The following COL6A2 variants were observed in gnomAD, a reference collection of about 807,000 sequenced individuals.
The protein encoded by COL6A2 is collagen alpha-2(VI) chain.
A neutral mutation model predicts 124.9 loss-of-function variants in COL6A2; 90 were observed. The observed-to-expected ratio is 0.72, with a 90% CI of 0.61 to 0.86. The LOEUF (loss-of-function observed/expected upper bound fraction) is 0.86, where lower values mean the gene tolerates loss of function less well. COL6A2 is among the 40% of genes least tolerant of loss of function. The pLI is 0.00. For synonymous variants in COL6A2, 793 were observed against 618.2 expected (o/e 1.28, Z -4.19); for missense variants, 1,607 against 1,502.5 (o/e 1.07, Z -1.15).
At chr21:46,126,691 C>T (rs1489241024) in intron 27 of COL6A2, 150 bp downstream of exon 27, 7 of 941,506 alleles carry the variant, frequency 7.4e-6, no homozygotes, top group Admixed American at 2.0e-5. Context: ...GAGATGGCCC[C>T]AGGATGGCAG....
chr21:46,130,815 G>A (rs2078750727), intron 27 of COL6A2, among the ~76,000 whole-genome samples: 2 of 152,198 alleles, frequency 1.3e-5, no homozygotes, highest in South Asian at 2.1e-4. Flanking sequence ...CCTTAACAGG[G>A]AGGCTGCCCT....
intron 11 of COL6A2, 52 bp from the exon 12 acceptor site, chr21:46,117,822 G>A (rs1318481214): frequency 1.9e-6 from 3 of 1,569,246 alleles, no homozygotes; most frequent in Non-Finnish European, 2.6e-6. Flanking sequence ...CTGGCTCATG[G>A]GGAGAACCCC....
At position 46,125,876 on chromosome 21, in the gene COL6A2, C is replaced by T; in HGVS notation, c.2061C>T (p.Phe687=). Residue 687 remains phenylalanine (F), a synonymous_variant, in exon 26 of 28, where the codon TTC becomes TTT. Transcript: ENST00000300527. ...AACGTATCGACTCCCTGTCGAGCTT[C>T]AAGGAGGCTGTCAAGAACCTCGAGT... ...DDERIDSLSS[F]KEAVKNLEWI... is the part of the protein sequence containing the mutation. 6.2e-7 allele frequency: 1 copy of T among 1,613,118 alleles called. No individual in the cohort carries two copies. Among genetic ancestry groups the T allele is most frequent in the African/African-American group, 1.3e-5 (1 of 75,020 alleles).
chr21:46,110,201 C>T (rs755897564), intron 1 of COL6A2, among the ~76,000 whole-genome samples: 5 of 152,088 alleles, frequency 3.3e-5, no homozygotes, highest in Non-Finnish European at 5.9e-5. Context: ...AGGCAGTCTG[C>T]GGGGTTGGGG....
At chr21:46,118,997 T>C (rs776803637) in intron 13 of COL6A2, 33 bp from the exon 14 acceptor site, 108 of 1,525,274 alleles carry the variant, frequency 7.1e-5, no homozygotes, top group Non-Finnish European at 5.5e-6. Context: ...GGCCCCTGCC[T>C]CTGGGTGACT....
chr21:46,112,091 G>T lies in COL6A2; in HGVS notation c.228G>T (p.Gln76His), dbSNP rs1409328932. ...LLFHMKQFVP[Q>H]FISQLQNEFY... ...TCCACATGAAGCAGTTCGTGCCGCA[G>T]TTCATCAGCCAGCTGCAGAACGAGT... Residue 76 changes from glutamine (Q) to histidine (H), a missense_variant, in exon 3 of 28, where the codon CAG becomes CAT. Gln to His is a conservative substitution (Grantham distance 24). Transcript: ENST00000300527. 1.9e-6 allele frequency: 3 copies of T among 1,613,076 alleles called. No individual in the cohort carries two copies. Among genetic ancestry groups the T allele is most frequent in the African/African-American group, 2.7e-5 (2 of 74,920 alleles).
At chr21:46,115,063 G>A (rs751799869) in intron 5 of COL6A2, among the ~76,000 whole-genome samples, 1 of 152,258 alleles carries the variant, frequency 6.6e-6, no homozygotes, top group Non-Finnish European at 1.5e-5. Flanking sequence ...GGCTTCTCCA[G>A]TCCTGGTGGC....
At chr21:46,108,247 C>T (rs1161198914) in intron 1 of COL6A2, among the ~76,000 whole-genome samples, 2 of 152,106 alleles carry the variant, frequency 1.3e-5, no homozygotes, top group Non-Finnish European at 1.5e-5. Context: ...TGGCTTCCAA[C>T]ACAACACTGA....
Position 46,132,822 on chromosome 21 carries a change from CCT to C in COL6A2, c.*271_*272del. Reference sequence around the variant, plus strand: ...CTGGCCCCTGAGCTCTGGAGCAAGCCCTGACCCAATAAAGGCTTTGAACCCAT... The same window carrying C: ...CTGGCCCCTGAGCTCTGGAGCAAGCCGACCCAATAAAGGCTTTGAACCCAT... On this transcript the variant is annotated 3_prime_UTR_variant, in exon 28 of 28. Transcript: ENST00000300527. 1.8e-6 allele frequency: 1 copy of C among 560,642 alleles called. No individual in the cohort carries two copies. The highest frequency in any genetic ancestry group is 2.0e-5 in the South Asian group (1 of 49,136). The allele number at this position is 560,642 out of a possible 1,614,324, so 34.7% of individuals were successfully genotyped here.
rs1266614366 is a variant in COL6A2, at chr21:46,116,222, C to A, written c.901-155C>A. 6.6e-6 allele frequency among the ~76,000 whole-genome samples: 1 copy of A among 152,158 alleles called. No homozygotes were observed. Among genetic ancestry groups the A allele is most frequent in the Non-Finnish European group, 1.5e-5 (1 of 68,022 alleles). On this transcript the variant is annotated intron_variant, in intron 7 of 27. Coordinates refer to ENST00000300527, the MANE Select transcript of COL6A2 (RefSeq NM_001849.4). This position sits in a 1 kb window ranked among gnomAD's most constrained non-coding sequence, Gnocchi z 4.6. ...CCGTCCCAAAACCCAGCCTCCAGCC[C>A]GACCCAGGGCTCAGCCTCCTCCGCA...
chr21:46,130,345 C>G (rs558930780), intron 27 of COL6A2, among the ~76,000 whole-genome samples: 1 of 152,160 alleles, frequency 6.6e-6, no homozygotes, highest in African/African-American at 2.4e-5. Flanking sequence ...TGTTGGGGAG[C>G]GGCAGGGATC....
In COL6A2 at chr21:46,116,893, T is replaced by TG; in HGVS notation, c.999+80dup. On this transcript the variant is annotated intron_variant, in intron 10 of 27. Coordinates refer to ENST00000300527, the MANE Select transcript of COL6A2 (RefSeq NM_001849.4). This position sits in a 1 kb window ranked among gnomAD's most constrained non-coding sequence, Gnocchi z 4.6. The stretch of plus-strand genomic sequence containing the variant: ...CTCTGCAGGGCCCCCAGATCCAGCC[T>TG]GATCTGTCAGCTTACACATGTGTAC... 3 of 1,429,650 alleles carry TG rather than the reference T, an allele frequency of 2.1e-6. No homozygotes were observed. The highest frequency in any genetic ancestry group is 3.0e-6 in the Non-Finnish European group (3 of 1,016,688). 88.6% of individuals were successfully genotyped at this position (1,429,650 alleles called of 1,614,324 possible). A position where few individuals can be genotyped will look rare whatever the true frequency, so the allele number is the denominator to read the frequency against.
At position 46,132,586 on chromosome 21, in the gene COL6A2, G is replaced by T; in HGVS notation, c.*34G>T. Reference sequence around the variant, plus strand: ...CCCGGGCCCCGCAGTCGAGGGTCGTGAGCCCACCCCGTCCATGGTGCTAAG... The same window carrying T: ...CCCGGGCCCCGCAGTCGAGGGTCGTTAGCCCACCCCGTCCATGGTGCTAAG... On this transcript the variant is annotated 3_prime_UTR_variant, in exon 28 of 28. Coordinates refer to ENST00000300527, the MANE Select transcript of COL6A2 (RefSeq NM_001849.4). 6.4e-7 allele frequency: 1 copy of T among 1,556,154 alleles called. No homozygotes were observed. Among genetic ancestry groups the T allele is most frequent in the East Asian group, 2.4e-5 (1 of 42,430 alleles).
In COL6A2 at chr21:46,132,511, C is replaced by T; in HGVS notation, c.3019C>T (p.Gln1007Ter). Reference sequence around the variant, plus strand: ...CGAGAAGGACTATGACAGCCTGGCGCAACCCGGCTTCTTCGACCGCTTCAT... The same window carrying T: ...CGAGAAGGACTATGACAGCCTGGCGTAACCCGGCTTCTTCGACCGCTTCAT... Reference protein sequence around the residue: ...FHEKDYDSLAQPGFFDRFIRW... With the variant: ...FHEKDYDSLA The change falls in exon 28 of 28, where the codon CAA becomes TAA. Residue 1007 changes from glutamine to a stop codon, truncating the protein, a stop_gained. Transcript: ENST00000300527. LOFTEE classifies it high-confidence loss of function. The T allele has an allele frequency of 6.2e-7, 1 of 1,607,144 alleles. No individual in the cohort carries two copies. The highest frequency in any genetic ancestry group is 8.5e-7 in the Non-Finnish European group (1 of 1,179,416).
At chr21:46,130,921 T>TGA (rs2078752268) in intron 27 of COL6A2, among the ~76,000 whole-genome samples, 1 of 152,202 alleles carries the variant, frequency 6.6e-6, no homozygotes, top group Admixed American at 6.5e-5. Context: ...GTCTCAAGCG[T>TGA]TCTGTGAAGG....
At chr21:46,125,022 A>G (rs1451951876) in intron 23 of COL6A2, 102 bp downstream of exon 23, 1 of 1,417,566 alleles carries the variant, frequency 7.1e-7, no homozygotes, top group Non-Finnish European at 1.0e-6. Flanking sequence ...TCAGAGAGCA[A>G]GATCAGTGGA....
intron 5 of COL6A2, among the ~76,000 whole-genome samples, chr21:46,114,289 G>T (rs1025604218): frequency 3.2e-4 from 49 of 152,098 alleles, no homozygotes; most frequent in Non-Finnish European, 6.8e-4. Flanking sequence ...GCCGGGCGTA[G>T]TGGCATGCGC....
At chr21:46,122,418 C>T (rs2078580870) in intron 19 of COL6A2, 78 bp from the exon 20 acceptor site, 35 of 1,582,326 alleles carry the variant, frequency 2.2e-5, no homozygotes, top group Non-Finnish European at 3.0e-5. Flanking sequence ...GGAAACGGGG[C>T]TGCAGAAAGC....
chr21:46,131,058 TG>T (rs1036441001), intron 27 of COL6A2, among the ~76,000 whole-genome samples: 5 of 152,144 alleles, frequency 3.3e-5, no homozygotes, highest in African/African-American at 7.2e-5. Context: ...TGTGCATTCC[TG>T]GGGGTCCATG....
Sources: gnomAD v4.1 joint callset for allele counts (sites outside exome capture counted in the v4.1 genomes callset) on GRCh38, gnomAD v4.1.1 for gene constraint, Gnocchi (gnomAD v3.1) non-coding constraint, MANE v1.5 for transcripts, NCBI Gene and HGNC (gene_info 2026-07-23, HGNC 2026-07-21) for gene names.